Variants in PC observed in about 807,000 individuals in gnomAD.
The protein encoded by PC is pyruvate carboxylase, also known as pyruvate carboxylase, mitochondrial.
A neutral mutation model predicts 107.8 loss-of-function variants in PC; 46 were observed. The ratio of observed to expected loss-of-function variants is 0.43; its 90% confidence interval spans 0.34 to 0.55. The LOEUF (loss-of-function observed/expected upper bound fraction) is 0.55. Among genes scored for constraint, PC ranks in the 20% least tolerant of loss-of-function variants. The probability of loss-of-function intolerance (pLI) is 0.04; values close to 1 mark genes in which losing one functional copy is unlikely to be tolerated. For synonymous variants in PC, 662 were observed against 684.7 expected (o/e 0.97, Z 0.52); for missense variants, 1,241 against 1,643.1 (o/e 0.76, Z 4.23).
At chr11:66,922,163 A>C (rs1948611290) in intron 3 of PC, among the ~76,000 whole-genome samples, 1 of 152,228 alleles carries the variant, frequency 6.6e-6, no homozygotes. Flanking sequence ...AAATCTAAAC[A>C]GAATAACGAC....
chr11:66,851,323 C>G, intron 16 of PC, 43 bp from the exon 17 acceptor site: 1 of 1,599,226 alleles, frequency 6.3e-7, no homozygotes, highest in Non-Finnish European at 8.5e-7. Context: ...CACCCCACCT[C>G]CCTCTGAACA....
intron 12 of PC, among the ~76,000 whole-genome samples, chr11:66,862,896 C>T (rs1361141575): frequency 6.6e-6 from 1 of 152,246 alleles, no homozygotes; most frequent in Non-Finnish European, 1.5e-5. Context: ...CCCCCACCCT[C>T]GGCTGCTCCT....
chr11:66,859,208 G>C, intron 12 of PC: 1 of 1,293,900 alleles, frequency 7.7e-7, no homozygotes, highest in Non-Finnish European at 1.0e-6. Flanking sequence ...CCCCCTCCCC[G>C]ACCATGGCTG....
At position 66,850,185 on chromosome 11, in the gene PC, G is replaced by A. The variant is rs570717826; in HGVS notation, c.2718+35C>T. On this transcript the variant is annotated intron_variant, in intron 19 of 22. Transcript: ENST00000393960. ...GAGGCCAGTGGCAGGTGCATGCAGG[G>A]CTGGGTCAGGTAAGGAGCACCGGGC... 5.6e-6 allele frequency: 9 copies of A among 1,613,762 alleles called. No homozygotes were observed. In the African/African-American group the frequency reaches 8.0e-5, roughly 14 times the overall value.
chr11:66,927,732 A>C (rs1948752155), intron 3 of PC, among the ~76,000 whole-genome samples: 1 of 151,922 alleles, frequency 6.6e-6, no homozygotes, highest in Non-Finnish European at 1.5e-5. Context: ...TCAAAAAAAA[A>C]AAAAAAAGAT....
intron 3 of PC, among the ~76,000 whole-genome samples, chr11:66,916,941 G>GA (rs1948476620): frequency 6.6e-6 from 1 of 151,714 alleles, no homozygotes; most frequent in African/African-American, 2.4e-5. Context: ...GTGACAGAGT[G>GA]AGACTCTGTC....
chr11:66,867,760 C>T (rs1349027880), intron 10 of PC, among the ~76,000 whole-genome samples: 5 of 152,246 alleles, frequency 3.3e-5, no homozygotes, highest in Admixed American at 1.3e-4. Context: ...GACCCAAGAC[C>T]GAGGAGTTCA....
intron 3 of PC, among the ~76,000 whole-genome samples, chr11:66,916,418 C>T (rs1948464312): frequency 1.3e-5 from 2 of 152,256 alleles, no homozygotes; most frequent in South Asian, 4.1e-4. Context: ...AGTCTGTGCT[C>T]TGAACAGGGT....
chr11:66,850,515 A>T, intron 18 of PC, 51 bp from the exon 19 acceptor site: 1 of 1,612,614 alleles, frequency 6.2e-7, no homozygotes, highest in Non-Finnish European at 8.5e-7. Flanking sequence ...TGACTCTTCC[A>T]GGACCCAGGG....
At chr11:66,863,514 A>G (rs960595200) in intron 12 of PC, among the ~76,000 whole-genome samples, 21 of 152,260 alleles carry the variant, frequency 1.4e-4, no homozygotes, top group African/African-American at 4.8e-4. Flanking sequence ...GAACAAGACT[A>G]GACAGGAGGC....
chr11:66,901,679 G>A (rs561937756), intron 3 of PC, among the ~76,000 whole-genome samples: 1 of 152,142 alleles, frequency 6.6e-6, no homozygotes, highest in South Asian at 2.1e-4. Context: ...TGCCATGTTG[G>A]CCAGGCTGGT....
At chr11:66,901,720 G>A (rs1041418255) in intron 3 of PC, among the ~76,000 whole-genome samples, 4 of 152,042 alleles carry the variant, frequency 2.6e-5, no homozygotes, top group Admixed American at 6.6e-5. Context: ...TGATCCGCCC[G>A]CCTCAGCCTC....
intron 3 of PC, among the ~76,000 whole-genome samples, chr11:66,911,343 G>A (rs190859063): frequency 3.8e-4 from 57 of 150,772 alleles, no homozygotes; most frequent in African/African-American, 1.3e-3. Context: ...AAGTCACCCC[G>A]CCATCCTGGG....
chr11:66,941,078 T>TACA (rs1949117537), intron 3 of PC, among the ~76,000 whole-genome samples: 1 of 83,874 alleles, frequency 1.2e-5, no homozygotes, highest in Non-Finnish European at 2.3e-5. Context: ...AGACTCCATC[T>TACA]AAAAAAAAAA....
At position 66,857,968 on chromosome 11, in the gene PC, T is replaced by C; in HGVS notation, c.1369-4585A>G. On this transcript the variant is annotated intron_variant, in intron 12 of 22. Transcript: ENST00000393960. The surrounding 1 kb of genome is among the most constrained non-coding windows in gnomAD (Gnocchi z 7.1). ...GACTTCCGCAACATGACGGGACTGG[T>C]GGACCTGACACTGTCTCGCAATGCC... The C allele has an allele frequency of 3.1e-6, 5 of 1,612,458 alleles. No individual in the cohort carries two copies. Among genetic ancestry groups the C allele is most frequent in the Non-Finnish European group, 4.2e-6 (5 of 1,179,916 alleles).
chr11:66,858,559 C>T lies in PC; in HGVS notation c.1369-5176G>A. ...GCCGGCCGCTACTTCTGGGCAGTGC[C>T]CGAGGGCGAGTTCTCCTGTGAGCCG... is the stretch of plus-strand genomic sequence containing the variant. On this transcript the variant is annotated intron_variant, in intron 12 of 22. Transcript: ENST00000393960. This position sits in a 1 kb window ranked among gnomAD's most constrained non-coding sequence, Gnocchi z 5.9. The T allele has an allele frequency of 3.9e-6, 6 of 1,533,152 alleles. No homozygotes were observed. Among genetic ancestry groups the T allele is most frequent in the Non-Finnish European group, 5.2e-6 (6 of 1,144,490 alleles). 95.0% of individuals were successfully genotyped at this position (1,533,152 alleles called of 1,614,324 possible). A position where few individuals can be genotyped will look rare whatever the true frequency, so the allele number is the denominator to read the frequency against.
At chr11:66,919,399 G>C (rs1057439802) in intron 3 of PC, among the ~76,000 whole-genome samples, 7 of 152,206 alleles carry the variant, frequency 4.6e-5, no homozygotes, top group African/African-American at 1.7e-4. Flanking sequence ...CTGGGCAACA[G>C]AGTGAGACTC....
chr11:66,937,204 G>A (rs564054292), intron 3 of PC, among the ~76,000 whole-genome samples: 1 of 152,224 alleles, frequency 6.6e-6, no homozygotes, highest in East Asian at 1.9e-4. Flanking sequence ...GGATTAAATT[G>A]AAAAACTGTC....
intron 3 of PC, among the ~76,000 whole-genome samples, chr11:66,901,529 G>A (rs887113174): frequency 1.3e-5 from 2 of 152,112 alleles, no homozygotes; most frequent in African/African-American, 4.8e-5. Flanking sequence ...CAGTACAATG[G>A]CGCGATCTTG....
Sources: gnomAD v4.1 joint callset for allele counts (sites outside exome capture counted in the v4.1 genomes callset) on GRCh38, gnomAD v4.1.1 for gene constraint, Gnocchi (gnomAD v3.1) non-coding constraint, MANE v1.5 for transcripts, NCBI Gene and HGNC (gene_info 2026-07-23, HGNC 2026-07-21) for gene names.